KIF3B: variants seen among roughly 807,000 people sequenced by gnomAD.
The protein encoded by KIF3B is kinesin family member 3B.
In KIF3B, 38 loss-of-function variants were observed where a neutral mutation model predicts 74.3. That is an observed-to-expected ratio of 0.51 (90% CI 0.39 to 0.67). The LOEUF (loss-of-function observed/expected upper bound fraction) is 0.67, where lower values mean the gene tolerates loss of function less well. KIF3B is among the 30% of genes least tolerant of loss of function. The probability of loss-of-function intolerance (pLI) is 0.00; values close to 1 mark genes in which losing one functional copy is unlikely to be tolerated. For synonymous variants in KIF3B, 326 were observed against 342.5 expected (o/e 0.95, Z 0.53); for missense variants, 649 against 932.0 (o/e 0.70, Z 3.95).
intron 1 of KIF3B, among the ~76,000 whole-genome samples, chr20:32,304,051 A>G (rs1015389461): frequency 7.2e-5 from 11 of 152,164 alleles, no homozygotes; most frequent in Admixed American, 6.6e-4. Flanking sequence ...TAGTCTCATA[A>G]TCATCCATAA....
At chr20:32,301,499 C>T (rs1380150483) in intron 1 of KIF3B, among the ~76,000 whole-genome samples, 3 of 152,210 alleles carry the variant, frequency 2.0e-5, no homozygotes, top group South Asian at 4.1e-4. Context: ...GCCTCAGCCT[C>T]CCGAGTAGCT....
intron 5 of KIF3B, among the ~76,000 whole-genome samples, chr20:32,322,030 C>T (rs1483565322): frequency 2.0e-5 from 3 of 152,066 alleles, no homozygotes; most frequent in Non-Finnish European, 1.5e-5. Context: ...GTCAGCTTGT[C>T]AATTTCTGCA....
chr20:32,281,339 C>T (rs2047642051), intron 1 of KIF3B, among the ~76,000 whole-genome samples: 6 of 152,194 alleles, frequency 3.9e-5, no homozygotes, highest in Admixed American at 3.9e-4. Context: ...AGTGTACTTA[C>T]CACTATCCTG....
rs1400867312 is a variant in KIF3B at position 32,310,277 on chromosome 20, A to G, written c.500A>G (p.Lys167Arg). The G allele has an allele frequency of 1.9e-6, 3 of 1,613,950 alleles. No individual in the cohort carries two copies. Among genetic ancestry groups the G allele is most frequent in the East Asian group, 2.2e-5 (1 of 44,876 alleles). ...GATCAGACCAAAAGGCTTGAGCTCA[A>G]AGAGAGGCCTGACACAGGAGTGTAT... ...SKDQTKRLEL[K>R]ERPDTGVYVK... is the part of the protein sequence containing the mutation. The change falls in exon 2 of 9, where the codon AAA (lysine) becomes AGA (arginine). Residue 167 changes from lysine to arginine, a missense_variant. Physicochemically the swap from Lys to Arg is conservative, Grantham distance 26. Coordinates refer to ENST00000375712, the MANE Select transcript of KIF3B (RefSeq NM_004798.4). This position sits in a 1 kb window ranked among gnomAD's most constrained non-coding sequence, Gnocchi z 6.5.
chr20:32,304,612 G>A (rs2047760302), intron 1 of KIF3B, among the ~76,000 whole-genome samples: 1 of 152,144 alleles, frequency 6.6e-6, no homozygotes, highest in Non-Finnish European at 1.5e-5. Context: ...AGAGAATAAA[G>A]CAGCTCTGTA....
At position 32,310,662 on chromosome 20, in the gene KIF3B, A is replaced by G; in HGVS notation, c.885A>G (p.Ser295=). 1 of 1,614,146 alleles carries G rather than the reference A, an allele frequency of 6.2e-7. No individual in the cohort carries two copies. The highest frequency in any genetic ancestry group is 8.5e-7 in the Non-Finnish European group (1 of 1,180,020). ...GKSTHIPYRD[S]KLTRLLQDSL... is the part of the protein sequence containing the mutation. ...GCACTCACATTCCATATCGGGACTCAAAGCTTACCAGGCTCCTCCAAGATT... is the reference window on the plus strand; with the variant it reads ...GCACTCACATTCCATATCGGGACTCGAAGCTTACCAGGCTCCTCCAAGATT... Residue 295 remains serine, a synonymous_variant, in exon 2 of 9, where the codon TCA becomes TCG. Coordinates refer to ENST00000375712, the MANE Select transcript of KIF3B (RefSeq NM_004798.4). This position sits in a 1 kb window ranked among gnomAD's most constrained non-coding sequence, Gnocchi z 6.5.
intron 5 of KIF3B, among the ~76,000 whole-genome samples, chr20:32,320,169 A>G (rs960092473): frequency 6.6e-6 from 1 of 152,198 alleles, no homozygotes; most frequent in African/African-American, 2.4e-5. Context: ...TGCTAGGATT[A>G]CAGGCGTGAG....
chr20:32,326,169 G>A (rs1466120199), intron 5 of KIF3B, among the ~76,000 whole-genome samples: 2 of 152,144 alleles, frequency 1.3e-5, no homozygotes, highest in African/African-American at 4.8e-5. Flanking sequence ...GTGGGTTCCA[G>A]TTTCCTTGTT....
In KIF3B at chr20:32,333,681, T is replaced by G. The variant is rs2047942277; in HGVS notation, c.*2362T>G. 1 of 137,196 alleles carries G rather than the reference T, an allele frequency of 7.3e-6. No homozygotes were observed. The highest frequency in any genetic ancestry group is 2.3e-4 in the South Asian group (1 of 4,326). The allele number at this position is 137,196 out of a possible 1,614,324, so 8.5% of individuals were successfully genotyped here. A position where few individuals can be genotyped will look rare whatever the true frequency, so the allele number is the denominator to read the frequency against. On this transcript the variant is annotated 3_prime_UTR_variant, in exon 9 of 9. Coordinates refer to ENST00000375712, the MANE Select transcript of KIF3B (RefSeq NM_004798.4). ...AAACAGAAAGAAAGAAAAAGAAAAC[T>G]GCAGATAACCCTATACATTAATACT...
intron 1 of KIF3B, among the ~76,000 whole-genome samples, chr20:32,294,956 A>G (rs149318584): frequency 1.3e-5 from 2 of 152,214 alleles, no homozygotes; most frequent in Admixed American, 6.5e-5. Flanking sequence ...ATAGTTTCCC[A>G]TTGTAGAGAT....
intron 1 of KIF3B, among the ~76,000 whole-genome samples, chr20:32,293,206 A>C (rs1401047517): frequency 1.3e-5 from 2 of 152,144 alleles, no homozygotes; most frequent in African/African-American, 4.8e-5. Context: ...GTGAGCTGTG[A>C]TTGTGCCACT....
At chr20:32,313,246 G>A (rs1197684367) in intron 2 of KIF3B, among the ~76,000 whole-genome samples, 1 of 152,164 alleles carries the variant, frequency 6.6e-6, no homozygotes, top group East Asian at 1.9e-4. Context: ...TGGCAGAGGA[G>A]AGTGCAAAGG....
intron 1 of KIF3B, among the ~76,000 whole-genome samples, chr20:32,287,741 T>C (rs1351545226): frequency 6.6e-6 from 1 of 152,182 alleles, no homozygotes; most frequent in African/African-American, 2.4e-5. Flanking sequence ...TAATGTGTTA[T>C]ACAGAATATC....
intron 2 of KIF3B, among the ~76,000 whole-genome samples, chr20:32,313,698 C>T (rs2047812994): frequency 7.6e-6 from 1 of 130,894 alleles, no homozygotes; most frequent in African/African-American, 2.6e-5. Context: ...TGGCTGTGCC[C>T]ATATTTTGTT....
chr20:32,316,377 G>T, intron 3 of KIF3B, 58 bp downstream of exon 3: 2 of 1,534,008 alleles, frequency 1.3e-6, no homozygotes, highest in South Asian at 1.1e-5. Flanking sequence ...TTATGCTGCA[G>T]AGCAAACGTC....
At chr20:32,315,637 A>G (rs542997128) in intron 2 of KIF3B, among the ~76,000 whole-genome samples, 1 of 152,164 alleles carries the variant, frequency 6.6e-6, no homozygotes, top group Admixed American at 6.5e-5. Flanking sequence ...TGCTTGAACT[A>G]AGGAGGTCAA....
At chr20:32,329,893 C>T (rs1261511520) in intron 7 of KIF3B, among the ~76,000 whole-genome samples, 4 of 152,016 alleles carry the variant, frequency 2.6e-5, no homozygotes, top group Non-Finnish European at 4.4e-5. Flanking sequence ...CAGAAGATTA[C>T]GGTTAGTTAG....
intron 7 of KIF3B, among the ~76,000 whole-genome samples, chr20:32,328,662 C>G (rs910250483): frequency 2.6e-4 from 40 of 151,456 alleles, no homozygotes; most frequent in Non-Finnish European, 5.4e-4. Flanking sequence ...AACATCCTGT[C>G]TGTCATGGCC....
chr20:32,309,786 G>A lies in KIF3B; in HGVS notation c.9G>A (p.Lys3=). The A allele has an allele frequency of 6.2e-7, 1 of 1,611,746 alleles. No individual in the cohort carries two copies. MS[K]LKSSESVRVV... ...CTGGATCAGAGTTCATCATGTCAAA[G>A]TTGAAAAGCTCAGAGTCAGTCAGGG... is the stretch of plus-strand genomic sequence containing the variant. The change falls in exon 2 of 9, where the codon AAG becomes AAA. Residue 3 remains lysine, a synonymous_variant. Transcript: ENST00000375712.
Sources: allele counts gnomAD v4.1 joint callset (sites outside exome capture counted in the v4.1 genomes callset), GRCh38; gene constraint gnomAD v4.1.1; non-coding constraint Gnocchi (gnomAD v3.1); transcripts MANE v1.5; gene names NCBI Gene and HGNC (gene_info 2026-07-23, HGNC 2026-07-21).